DST: variants seen among roughly 807,000 people sequenced by gnomAD.
DST encodes bullous pemphigoid antigen.
Under a neutral mutation model 875.2 loss-of-function variants are expected in DST, and 253 were observed. The observed-to-expected ratio is 0.29, with a 90% confidence interval of 0.26 to 0.32. The LOEUF (loss-of-function observed/expected upper bound fraction) is 0.32. Among genes scored for constraint, DST ranks in the 10% least tolerant of loss-of-function variants. DST has a pLI of 1.00. For synonymous variants in DST, 3,124 were observed against 3,197.1 expected (o/e 0.98, Z 0.77); for missense variants, 8,287 against 9,111.6 (o/e 0.91, Z 3.68).
intron 9 of DST, among the ~76,000 whole-genome samples, chr6:56,698,210 T>C (rs1345969481): frequency 6.6e-6 from 1 of 152,144 alleles, no homozygotes; most frequent in South Asian, 2.1e-4. Context: ...ACCTAGACTC[T>C]GATTCCTGTA....
chr6:56,788,014 AGCTACTCGTGAG>A (rs2099708534), intron 4 of DST, among the ~76,000 whole-genome samples: 1 of 149,588 alleles, frequency 6.7e-6, no homozygotes, highest in South Asian at 2.1e-4. Context: ...CAGCAATCCT[AGCTACTCGTGAG>A]GCTGAGGCAG....
chr6:56,617,287 A>C (rs200914148), intron 36 of DST: 6 of 1,613,346 alleles, frequency 3.7e-6, no homozygotes, highest in Non-Finnish European at 4.2e-6. Flanking sequence ...TCTTAAGGAA[A>C]TCCCCTTTCT....
At chr6:56,499,580 C>A (rs945801748) in intron 80 of DST, among the ~76,000 whole-genome samples, 2 of 152,044 alleles carry the variant, frequency 1.3e-5, no homozygotes, top group African/African-American at 4.8e-5. Context: ...CTTCCTCCAG[C>A]AATTCTGCTG....
At chr6:56,760,218 A>G (rs1204067780) in intron 4 of DST, among the ~76,000 whole-genome samples, 1 of 152,228 alleles carries the variant, frequency 6.6e-6, no homozygotes, top group African/African-American at 2.4e-5. Context: ...AATCCATAGA[A>G]TGAACTGCTA....
At chr6:56,486,715 T>TAGTA (rs1244070070) in intron 87 of DST, among the ~76,000 whole-genome samples, 1 of 152,006 alleles carries the variant, frequency 6.6e-6, no homozygotes, top group African/African-American at 2.4e-5. Flanking sequence ...GCATGCCCAG[T>TAGTA]AGTAAGTCAC....
intron 97 of DST, 80 bp downstream of exon 97, chr6:56,469,803 G>T: frequency 7.9e-7 from 1 of 1,260,704 alleles, no homozygotes; most frequent in Non-Finnish European, 1.2e-6. Flanking sequence ...AAGACTCCTG[G>T]AAAACAATGG....
At chr6:56,897,354 C>T (rs148276217) in intron 3 of DST, among the ~76,000 whole-genome samples, 39 of 148,126 alleles carry the variant, frequency 2.6e-4, no homozygotes, top group Admixed American at 8.7e-4. Context: ...ATTTTTGAGA[C>T]GTAGTCTCAC....
At position 56,601,617 on chromosome 6, in the gene DST, C is replaced by A. The variant is rs760939187; in HGVS notation, c.11367G>T (p.Val3789=). 6.3e-7 allele frequency: 1 copy of A among 1,599,068 alleles called. No homozygotes were observed. Among genetic ancestry groups the A allele is most frequent in the South Asian group, 1.1e-5 (1 of 88,750 alleles). ...GTGCATATTCAGAAATGAAGAACTG[C>A]ACATCAAAGGCAGTAGTCTCCAGCT... ...KMQLETTAFD[V]QFFISEYAQD... is the part of the protein sequence containing the mutation. The change falls in exon 44 of 104, where the codon GTG becomes GTT. Residue 3789 remains valine, a synonymous_variant. Transcript: ENST00000680361.
chr6:56,473,238 G>C (rs1241361678), intron 93 of DST, among the ~76,000 whole-genome samples: 1 of 152,208 alleles, frequency 6.6e-6, no homozygotes, highest in African/African-American at 2.4e-5. Context: ...TCCTTGTGTA[G>C]TAAGTAATTA....
chr6:56,893,677 T>C (rs1789133425), intron 3 of DST, among the ~76,000 whole-genome samples: 1 of 69,986 alleles, frequency 1.4e-5, no homozygotes, highest in Non-Finnish European at 2.5e-5. Flanking sequence ...AGGACAATAG[T>C]GGAGGGAAGG....
chr6:56,692,497 G>C lies in DST; in HGVS notation c.1047+7156C>G, dbSNP rs145314914. The C allele has an allele frequency of 1.1e-3, 1,401 of 1,289,564 alleles. 7 individuals are homozygous for C. In the African/African-American group the frequency reaches 0.019, roughly 18 times the overall value. 79.9% of individuals were successfully genotyped at this position (1,289,564 alleles called of 1,614,324 possible). A position where few individuals can be genotyped will look rare whatever the true frequency, so the allele number is the denominator to read the frequency against. On this transcript the variant is annotated intron_variant, in intron 9 of 103. Coordinates refer to ENST00000680361, the MANE Select transcript of DST (RefSeq NM_001374736.1). ...TGTTGCATGAGGGCAAAATCTCTCA[G>C]TGTTTTGCTTTTCTTGAATACTGCT...
At position 56,593,984 on chromosome 6, in the gene DST, T is replaced by G. The variant is rs1276114944; in HGVS notation, c.12405A>C (p.Glu4135Asp). 6.2e-7 allele frequency: 1 copy of G among 1,613,964 alleles called. No individual in the cohort carries two copies. Among genetic ancestry groups the G allele is most frequent in the East Asian group, 2.2e-5 (1 of 44,866 alleles). ...KMKLTHSLQE[E>D]LEKFDADYTE... ...TATAGTCAGCATCAAACTTTTCTAA[T>G]TCTTCCTGCAGAGAGTGAGTTAACT... The change falls in exon 48 of 104, where the codon GAA becomes GAC. Residue 4135 changes from glutamate (E) to aspartate (D), a missense_variant. Transcript: ENST00000680361.
At chr6:56,854,663 T>C (rs1766959853) in intron 3 of DST, among the ~76,000 whole-genome samples, 1 of 152,190 alleles carries the variant, frequency 6.6e-6, no homozygotes, top group South Asian at 2.1e-4. Flanking sequence ...TTTTATTCCT[T>C]ATAATATTTT....
chr6:56,801,843 G>C (rs765102573), intron 4 of DST, among the ~76,000 whole-genome samples: 1 of 148,494 alleles, frequency 6.7e-6, no homozygotes, highest in Non-Finnish European at 1.5e-5. Flanking sequence ...TCCACCTCCC[G>C]GGTTCAAGCG....
At chr6:56,904,475 C>T (rs754526305) in intron 2 of DST, among the ~76,000 whole-genome samples, 4 of 152,198 alleles carry the variant, frequency 2.6e-5, no homozygotes, top group Middle Eastern at 3.4e-3. Context: ...TGAGATAATC[C>T]ACATTACGTA....
chr6:56,597,901 T>C lies in DST; in HGVS notation c.12034A>G (p.Lys4012Glu). Residue 4012 changes from lysine (K) to glutamate (E), a missense_variant, in exon 47 of 104, where the codon AAA (lysine) becomes GAA (glutamate). Transcript: ENST00000680361. ...KDSERAGTKH[K>E]QVIEQNGTHF... ...GTCCCGTTCTGTTCGATTACCTGTT[T>C]GTGTTTTGTCCCTGCCCTTTCTGAG... The C allele has an allele frequency of 7.4e-6, 12 of 1,613,828 alleles. No homozygotes were observed. The highest frequency in any genetic ancestry group is 1.3e-5 in the African/African-American group (1 of 75,042).
intron 28 of DST, 55 bp downstream of exon 28, chr6:56,632,799 A>C: frequency 3.3e-6 from 5 of 1,496,280 alleles, no homozygotes; most frequent in Non-Finnish European, 4.6e-6. Flanking sequence ...AGAGCAAAAA[A>C]TAGCCAGAAC....
At chr6:56,497,179 A>G (rs1419389474) in intron 82 of DST, among the ~76,000 whole-genome samples, 200 bp downstream of exon 82, 2 of 152,148 alleles carry the variant, frequency 1.3e-5, no homozygotes, top group African/African-American at 4.8e-5. Flanking sequence ...ATAAAATTAA[A>G]AAAAGAAAGA....
In DST at chr6:56,724,317, G is replaced by A. The variant is rs1424640652; in HGVS notation, c.687+10911C>T. Reference sequence around the variant, plus strand: ...TTTTAGAATATGCATGGATACTGATGCTGTGTCCTTCTGGTGTAACTGTAC... The same window carrying A: ...TTTTAGAATATGCATGGATACTGATACTGTGTCCTTCTGGTGTAACTGTAC... On this transcript the variant is annotated intron_variant, in intron 5 of 103. Coordinates refer to ENST00000680361, the MANE Select transcript of DST (RefSeq NM_001374736.1). Among the ~76,000 whole-genome samples the A allele has an allele frequency of 2.0e-5, 3 of 152,206 alleles. No individual in the cohort carries two copies. The East Asian group carries it at 5.8e-4, about 29-fold the overall frequency.
Sources: gnomAD v4.1 joint callset for allele counts (sites outside exome capture counted in the v4.1 genomes callset) on GRCh38, gnomAD v4.1.1 for gene constraint, MANE v1.5 for transcripts, NCBI Gene and HGNC (gene_info 2026-07-23, HGNC 2026-07-21) for gene names.